Variants in CASP9 observed in about 807,000 individuals in gnomAD.
CASP9 encodes the protein caspase-9.
A neutral mutation model predicts 43.5 loss-of-function variants in CASP9; 29 were observed. The observed-to-expected ratio is 0.67, with a 90% confidence interval of 0.50 to 0.91. CASP9 has a LOEUF of 0.91. CASP9 is among the 40% of genes least tolerant of loss of function. The pLI, the probability that CASP9 is intolerant of heterozygous loss-of-function variation, is 0.00. For synonymous variants in CASP9, 206 were observed against 211.9 expected (o/e 0.97, Z 0.24); for missense variants, 575 against 537.4 (o/e 1.07, Z -0.69).
chr1:15,521,269 CAAAA>C (rs34494163), intron 1 of CASP9, among the ~76,000 whole-genome samples: 3 of 124,890 alleles, frequency 2.4e-5, no homozygotes, highest in Non-Finnish European at 1.7e-5. Flanking sequence ...GACACCACCT[CAAAA>C]AAAAAAAAAA....
At chr1:15,524,744 C>G, upstream of CASP9, 1 of 1,015,852 alleles carries the variant, frequency 9.8e-7, no homozygotes, top group Non-Finnish European at 1.2e-6. Context: ...CACCGCCTGT[C>G]CCCAGAACCT....
intron 1 of CASP9, among the ~76,000 whole-genome samples, chr1:15,523,317 T>C (rs998846896): frequency 1.3e-5 from 2 of 152,232 alleles, no homozygotes; most frequent in African/African-American, 2.4e-5. Flanking sequence ...TATGACAGTA[T>C]TATTCTTATT....
chr1:15,522,913 A>T (rs1048697234), intron 1 of CASP9, among the ~76,000 whole-genome samples: 3 of 152,256 alleles, frequency 2.0e-5, no homozygotes, highest in African/African-American at 7.2e-5. Context: ...AGTAGGGGCC[A>T]CACAGAAGGC....
chr1:15,504,178 A>C (rs1460261566), intron 6 of CASP9, among the ~76,000 whole-genome samples: 1 of 152,076 alleles, frequency 6.6e-6, no homozygotes. Context: ...CCACAACTAC[A>C]CTTTTGAAAA....
chr1:15,516,118 C>T (rs990447343), intron 2 of CASP9, among the ~76,000 whole-genome samples: 1 of 151,282 alleles, frequency 6.6e-6, no homozygotes, highest in African/African-American at 2.4e-5. Context: ...AGGATAATTG[C>T]TTGAACCCAG....
At chr1:15,493,326 A>G in intron 8 of CASP9, 1 of 1,303,652 alleles carries the variant, frequency 7.7e-7, no homozygotes, top group South Asian at 2.0e-5. Context: ...ACCTGAGCAG[A>G]GCAGCTGGGG....
intron 2 of CASP9, 106 bp downstream of exon 2, chr1:15,518,004 A>G: frequency 2.3e-6 from 3 of 1,322,156 alleles, no homozygotes; most frequent in Non-Finnish European, 3.2e-6. Flanking sequence ...TCAGAAAGAC[A>G]ATGCTAAAAT....
upstream of CASP9, chr1:15,524,555 A>T: frequency 4.1e-6 from 1 of 243,636 alleles, no homozygotes; most frequent in Non-Finnish European, 5.3e-6. Flanking sequence ...TCCCCGCCCC[A>T]GAACCCGCCC....
intron 1 of CASP9, among the ~76,000 whole-genome samples, chr1:15,521,516 A>C (rs776652045): frequency 3.9e-5 from 6 of 152,152 alleles, no homozygotes; most frequent in Non-Finnish European, 7.4e-5. Context: ...TGAAAGTCTT[A>C]AAGTCTTTGA....
At chr1:15,523,461 T>G (rs575424009) in intron 1 of CASP9, among the ~76,000 whole-genome samples, 1 of 152,336 alleles carries the variant, frequency 6.6e-6, no homozygotes, top group African/African-American at 2.4e-5. Flanking sequence ...ACACGCCTCC[T>G]TCCTCGCAAG....
In CASP9 at chr1:15,492,061, A is replaced by T. The variant is rs534347974; in HGVS notation, c.*882T>A. The stretch of plus-strand genomic sequence containing the variant: ...GATGGGATAAGGATCAAGTGAAATA[A>T]GACATGAATAAATGGGGCTGGGTGC... On this transcript the variant is annotated 3_prime_UTR_variant, in exon 9 of 9. Coordinates refer to ENST00000333868, the MANE Select transcript of CASP9 (RefSeq NM_001229.5). 2.0e-5 allele frequency: 3 copies of T among 152,346 alleles called. No homozygotes were observed. The highest frequency in any genetic ancestry group is 4.4e-5 in the Non-Finnish European group (3 of 68,116). The allele number at this position is 152,346 out of a possible 1,614,324, so 9.4% of individuals were successfully genotyped here.
chr1:15,521,854 C>G (rs1710216584), intron 1 of CASP9, among the ~76,000 whole-genome samples: 1 of 152,174 alleles, frequency 6.6e-6, no homozygotes, highest in African/African-American at 2.4e-5. Flanking sequence ...CCCACAGGCC[C>G]TGTAAGGCTT....
chr1:15,504,642 G>C lies in CASP9; in HGVS notation c.837C>G (p.Pro279=), dbSNP rs1484189957. 9.9e-6 allele frequency: 16 copies of C among 1,614,046 alleles called. No homozygotes were observed. Among genetic ancestry groups the C allele is most frequent in the Non-Finnish European group, 1.4e-5 (16 of 1,179,968 alleles). ...GTSCPSLGGK[P]KLFFIQACGG... The stretch of plus-strand genomic sequence containing the variant: ...CACAGGCCTGGATGAAAAAGAGCTT[G>C]GGCTTCCCTCCCAGGCTGGGGCAGC... The change falls in exon 6 of 9, where the codon CCC becomes CCG. Residue 279 remains proline (P), a synonymous_variant. Transcript: ENST00000333868.
upstream of CASP9, chr1:15,524,899 GC>G: frequency 1.1e-5 from 3 of 272,810 alleles, no homozygotes; most frequent in Non-Finnish European, 1.2e-5. Context: ...CCACCGCCCC[GC>G]CCCCAGGATT....
At chr1:15,501,546 G>GA (rs1225140055) in intron 6 of CASP9, among the ~76,000 whole-genome samples, 1 of 152,164 alleles carries the variant, frequency 6.6e-6, no homozygotes, top group Non-Finnish European at 1.5e-5. Flanking sequence ...CACTAGTGAA[G>GA]AACGGGGACC....
chr1:15,506,867 A>G, intron 4 of CASP9, 32 bp downstream of exon 4: 1 of 1,257,654 alleles, frequency 8.0e-7, no homozygotes, highest in Non-Finnish European at 1.2e-6. Flanking sequence ...ACTGCCCCCC[A>G]CCCTGTCTCC....
At chr1:15,522,275 CA>C (rs1358788689) in intron 1 of CASP9, among the ~76,000 whole-genome samples, 1 of 152,222 alleles carries the variant, frequency 6.6e-6, no homozygotes, top group East Asian at 1.9e-4. Context: ...CAACTGGTTC[CA>C]AAACCTGCCT....
chr1:15,497,671 T>C (rs919971253), intron 6 of CASP9, among the ~76,000 whole-genome samples: 2 of 144,614 alleles, frequency 1.4e-5, no homozygotes, highest in Admixed American at 6.8e-5. Context: ...TATAAATAAA[T>C]GGAAATATAT....
intron 5 of CASP9, 86 bp downstream of exon 5, chr1:15,505,904 A>G: frequency 9.4e-7 from 1 of 1,060,846 alleles, no homozygotes; most frequent in South Asian, 1.3e-5. Context: ...GGTGTTTTGG[A>G]CACAAGAAGG....
Sources: gnomAD v4.1 joint callset for allele counts (sites outside exome capture counted in the v4.1 genomes callset) on GRCh38, gnomAD v4.1.1 for gene constraint, MANE v1.5 for transcripts, NCBI Gene and HGNC (gene_info 2026-07-23, HGNC 2026-07-21) for gene names.